Variants in KCNK2 observed in about 807,000 individuals in gnomAD.
KCNK2 encodes potassium channel subfamily K member 2.
Under a neutral mutation model 40.5 loss-of-function variants are expected in KCNK2, and 21 were observed. That is an observed-to-expected ratio of 0.52 (90% confidence interval 0.37 to 0.75). The LOEUF (loss-of-function observed/expected upper bound fraction) is 0.75, where lower values mean the gene tolerates loss of function less well. Among genes scored for constraint, KCNK2 ranks in the 30% least tolerant of loss-of-function variants. KCNK2 has a pLI of 0.00. For missense variants in KCNK2, 399 were observed against 531.6 expected, an observed-to-expected ratio of 0.75 and a Z score of 2.45; for synonymous variants, 191 against 202.2, an observed-to-expected ratio of 0.94 and a Z score of 0.47.
At chr1:215,064,339 G>T (rs995464369) in intron 1 of KCNK2, among the ~76,000 whole-genome samples, 4 of 151,994 alleles carry the variant, frequency 2.6e-5, no homozygotes, top group Non-Finnish European at 4.4e-5. Flanking sequence ...GTTTGTGTGT[G>T]TGTGTACGTG....
intron 6 of KCNK2, among the ~76,000 whole-genome samples, chr1:215,205,104 G>A (rs1665256383): frequency 6.6e-6 from 1 of 152,146 alleles, no homozygotes; most frequent in Non-Finnish European, 1.5e-5. Flanking sequence ...CATTAGTATT[G>A]ATCATGAAAT....
At chr1:215,203,373 G>A (rs369141693) in intron 6 of KCNK2, among the ~76,000 whole-genome samples, 7 of 152,148 alleles carry the variant, frequency 4.6e-5, no homozygotes, top group South Asian at 2.1e-4. Flanking sequence ...GTAAAATTAA[G>A]GTAATGGTAC....
chr1:215,202,276 G>A (rs1344802565), intron 6 of KCNK2, among the ~76,000 whole-genome samples: 1 of 152,126 alleles, frequency 6.6e-6, no homozygotes, highest in Admixed American at 6.5e-5. Context: ...CTATGTGATG[G>A]GGAAAAGGTC....
intron 1 of KCNK2, among the ~76,000 whole-genome samples, chr1:215,030,975 G>A (rs572592252): frequency 2.6e-5 from 4 of 152,234 alleles, no homozygotes; most frequent in East Asian, 3.9e-4. Flanking sequence ...ATACTCAGTT[G>A]TCCAGCATCA....
In KCNK2 at chr1:215,182,302, G is replaced by A. The variant is rs563103270; in HGVS notation, c.823+10119G>A. On this transcript the variant is annotated intron_variant, in intron 5 of 6. Transcript: ENST00000444842. ...ATCCAGTTGAGGAGGTGCTCCAAAT[G>A]CCTGGAGCTCTGCCTAGGGTTGGAG... Among the ~76,000 whole-genome samples, 24 of 152,262 alleles carry A rather than the reference G, an allele frequency of 1.6e-4. 1 individual carries two copies. The South Asian group carries it at 5.0e-3, about 32-fold the overall frequency.
chr1:215,212,786 G>A (rs941582168), intron 6 of KCNK2, among the ~76,000 whole-genome samples: 2 of 152,314 alleles, frequency 1.3e-5, no homozygotes, highest in Admixed American at 1.3e-4. Context: ...AAATTAGCAG[G>A]AATGTTCTTT....
rs1227428368 is a variant in KCNK2, at chr1:215,194,992, T to C, written c.863T>C (p.Val288Ala). 1 of 1,613,524 alleles carries C rather than the reference T, an allele frequency of 6.2e-7. No individual in the cohort carries two copies. The highest frequency in any genetic ancestry group is 2.2e-5 in the East Asian group (1 of 44,782). ...DIEYLDFYKP[V>A]VWFWILVGLA... The stretch of plus-strand genomic sequence containing the variant: ...GAATATCTGGACTTCTATAAGCCTG[T>C]CGTGTGGTTCTGGATCCTTGTAGGG... Residue 288 changes from valine to alanine, a missense_variant, in exon 6 of 7, where the codon GTC (valine) becomes GCC (alanine). Coordinates refer to ENST00000444842, the MANE Select transcript of KCNK2 (RefSeq NM_001017425.3).
chr1:215,132,640 G>T (rs1417129216), intron 3 of KCNK2, among the ~76,000 whole-genome samples: 2 of 151,888 alleles, frequency 1.3e-5, no homozygotes, highest in African/African-American at 4.8e-5. Flanking sequence ...CTTTTATTTT[G>T]TGTTATTTAT....
intron 2 of KCNK2, among the ~76,000 whole-genome samples, chr1:215,121,796 CTATG>C (rs1661199964): frequency 6.6e-6 from 1 of 152,124 alleles, no homozygotes; most frequent in Non-Finnish European, 1.5e-5. Flanking sequence ...TCTCTTCTCA[CTATG>C]TATTTTGTTT....
At chr1:215,158,861 C>T (rs1236501922) in intron 3 of KCNK2, among the ~76,000 whole-genome samples, 1 of 152,054 alleles carries the variant, frequency 6.6e-6, no homozygotes, top group Non-Finnish European at 1.5e-5. Context: ...AATCAGTGAA[C>T]CCATGTCAAA....
At chr1:215,169,114 A>AT in intron 3 of KCNK2, 85 bp from the exon 4 acceptor site, 1 of 1,083,064 alleles carries the variant, frequency 9.2e-7, no homozygotes. Context: ...ATATCTTGCA[A>AT]TTTTTTGGAG....
chr1:215,062,584 ACTAT>A (rs1206469333), intron 1 of KCNK2, among the ~76,000 whole-genome samples: 3 of 150,968 alleles, frequency 2.0e-5, no homozygotes, highest in Admixed American at 6.6e-5. Context: ...TGATTTAGAT[ACTAT>A]CTAAATCATT....
chr1:215,162,418 A>G (rs1165207162), intron 3 of KCNK2, among the ~76,000 whole-genome samples: 1 of 152,052 alleles, frequency 6.6e-6, no homozygotes, highest in African/African-American at 2.4e-5. Context: ...GAAGCTCTTT[A>G]GTTTAATTAA....
intron 1 of KCNK2, among the ~76,000 whole-genome samples, chr1:215,018,911 T>A (rs1656686966): frequency 6.6e-6 from 1 of 151,832 alleles, no homozygotes; most frequent in Admixed American, 6.6e-5. Flanking sequence ...AAGGGAGAGC[T>A]CAGGGCCACT....
intron 2 of KCNK2, among the ~76,000 whole-genome samples, chr1:215,100,596 C>A (rs1357011053): frequency 6.6e-6 from 1 of 151,940 alleles, no homozygotes; most frequent in Non-Finnish European, 1.5e-5. Context: ...AATGGCATCA[C>A]AGTCCATAAA....
chr1:215,133,377 C>G (rs779707433), intron 3 of KCNK2, among the ~76,000 whole-genome samples: 2 of 151,906 alleles, frequency 1.3e-5, no homozygotes, highest in Non-Finnish European at 2.9e-5. Context: ...CTTGTCATTC[C>G]CCCTTCCTAA....
intron 1 of KCNK2, among the ~76,000 whole-genome samples, chr1:215,071,460 T>A (rs1658754937): frequency 6.6e-6 from 1 of 152,152 alleles, no homozygotes; most frequent in African/African-American, 2.4e-5. Flanking sequence ...ATAAGAGCAT[T>A]CCATGGTAAC....
intron 1 of KCNK2, among the ~76,000 whole-genome samples, chr1:215,017,884 C>T (rs1558058023): frequency 6.6e-6 from 1 of 152,000 alleles, no homozygotes; most frequent in Non-Finnish European, 1.5e-5. Context: ...CCAGCAGACA[C>T]AACATGAAAT....
intron 1 of KCNK2, among the ~76,000 whole-genome samples, chr1:215,014,535 C>T (rs1177605854): frequency 6.6e-6 from 1 of 151,674 alleles, no homozygotes; most frequent in Non-Finnish European, 1.5e-5. Flanking sequence ...AATACTGTTC[C>T]ATCAAGAGGG....
Sources: allele counts gnomAD v4.1 joint callset (sites outside exome capture counted in the v4.1 genomes callset), GRCh38; gene constraint gnomAD v4.1.1; transcripts MANE v1.5; gene names NCBI Gene and HGNC (gene_info 2026-07-23, HGNC 2026-07-21).